ARPC5L: variants seen among roughly 807,000 people sequenced by gnomAD.
ARPC5L encodes actin related protein 2/3 complex subunit 5 like.
In ARPC5L, 4 loss-of-function variants were observed where a neutral mutation model predicts 16.9. The observed-to-expected ratio is 0.24, with a 90% CI of 0.12 to 0.54. The LOEUF is 0.54. ARPC5L is among the 20% of genes least tolerant of loss of function. The pLI is 0.95. For missense variants in ARPC5L, 151 were observed against 201.9 expected, an observed-to-expected ratio of 0.75 and a Z score of 1.53; for synonymous variants, 78 against 82.6, an observed-to-expected ratio of 0.94 and a Z score of 0.30.
At chr9:124,865,132 G>C (rs1053371312) in intron 2 of ARPC5L, among the ~76,000 whole-genome samples, 1 of 151,964 alleles carries the variant, frequency 6.6e-6, no homozygotes, top group Non-Finnish European at 1.5e-5. Context: ...GTACCTGGCC[G>C]GCATAGCTTA....
At chr9:124,863,364 C>G (rs1043664666) in intron 1 of ARPC5L, among the ~76,000 whole-genome samples, 1 of 152,214 alleles carries the variant, frequency 6.6e-6, no homozygotes, top group African/African-American at 2.4e-5. Context: ...CCAGGCTGGT[C>G]TCAAACCCCT....
At chr9:124,867,526 G>A (rs550471000) in intron 2 of ARPC5L, among the ~76,000 whole-genome samples, 1 of 152,222 alleles carries the variant, frequency 6.6e-6, no homozygotes, top group South Asian at 2.1e-4. Context: ...CCCTGACATC[G>A]TATAATATGG....
chr9:124,872,026 T>C (rs563567570), intron 3 of ARPC5L, among the ~76,000 whole-genome samples: 1 of 152,280 alleles, frequency 6.6e-6, no homozygotes, highest in East Asian at 1.9e-4. Context: ...GATAGGTGAC[T>C]TCAGGGAGGT....
rs1245977772 is a variant in ARPC5L at position 124,869,394 on chromosome 9, C to A, written c.104C>A (p.Ala35Glu). Residue 35 changes from alanine to glutamate, a missense_variant, in exon 3 of 6, where the codon GCG becomes GAG. Ala to Glu is a moderately radical substitution (Grantham distance 107). Transcript: ENST00000353214. ...DEQEEAAAAA[A>E]EPGPDPSEVD... ...CAGGAGGAGGCGGCGGCGGCGGCGG[C>A]GGAGCCAGGCCCGGACCCGAGCGAG... is the stretch of plus-strand genomic sequence containing the variant. 6.6e-7 allele frequency: 1 copy of A among 1,509,016 alleles called. No homozygotes were observed. The allele number at this position is 1,509,016 out of a possible 1,614,324, so 93.5% of individuals were successfully genotyped here.
intron 2 of ARPC5L, among the ~76,000 whole-genome samples, chr9:124,864,583 T>C (rs545869475): frequency 6.6e-6 from 1 of 152,200 alleles, no homozygotes; most frequent in Non-Finnish European, 1.5e-5. Flanking sequence ...GGCCACCATG[T>C]TGGCCAGGCT....
intron 2 of ARPC5L, among the ~76,000 whole-genome samples, chr9:124,865,832 C>T (rs1829263045): frequency 6.7e-6 from 1 of 148,738 alleles, no homozygotes; most frequent in Non-Finnish European, 1.5e-5. Flanking sequence ...TGGGACTGGG[C>T]GTGGTGGCTC....
Position 124,873,805 on chromosome 9 carries a change from A to G in ARPC5L, c.222+41A>G, listed in dbSNP as rs764667772. Reference sequence around the variant, plus strand: ...TGCGGCTCTGCTGGGTGCTGTTGGGACCAGGGCTGTGGGTGTCTGCCCAGT... The same window carrying G: ...TGCGGCTCTGCTGGGTGCTGTTGGGGCCAGGGCTGTGGGTGTCTGCCCAGT... On this transcript the variant is annotated intron_variant, in intron 4 of 5. Transcript: ENST00000353214. 29 of 1,610,554 alleles carry G rather than the reference A, an allele frequency of 1.8e-5. No homozygotes were observed. In the East Asian group the frequency reaches 6.5e-4, roughly 36 times the overall value.
chr9:124,875,645 G>A (rs887151853), intron 5 of ARPC5L, among the ~76,000 whole-genome samples: 4 of 152,214 alleles, frequency 2.6e-5, no homozygotes, highest in African/African-American at 4.8e-5. Context: ...TATGGCCTTC[G>A]TCCAGGTGAA....
At chr9:124,865,490 A>G (rs1455281144) in intron 2 of ARPC5L, among the ~76,000 whole-genome samples, 2 of 151,990 alleles carry the variant, frequency 1.3e-5, no homozygotes, top group African/African-American at 4.8e-5. Context: ...CTCTACCTTC[A>G]AAATTTACCC....
chr9:124,866,340 G>C (rs917981645), intron 2 of ARPC5L, among the ~76,000 whole-genome samples: 3 of 152,114 alleles, frequency 2.0e-5, no homozygotes, highest in African/African-American at 7.2e-5. Context: ...GGAGGTGGAG[G>C]GTGCAGTGAG....
chr9:124,865,746 T>C (rs1237395473), intron 2 of ARPC5L, among the ~76,000 whole-genome samples: 2 of 151,632 alleles, frequency 1.3e-5, no homozygotes, highest in East Asian at 1.9e-4. Flanking sequence ...TGAGCCAAGA[T>C]TGCGCCACTT....
At chr9:124,864,598 T>C (rs1031873386) in intron 2 of ARPC5L, among the ~76,000 whole-genome samples, 5 of 152,196 alleles carry the variant, frequency 3.3e-5, no homozygotes, top group Admixed American at 1.3e-4. Flanking sequence ...CAGGCTGGTA[T>C]TGAACTCTTA....
In ARPC5L at chr9:124,869,452, G is replaced by T. The variant is rs1588042523; in HGVS notation, c.149+13G>T. ...GGCTCCTGCGGCAATATCCTTCCCTGACGCGGCGTCCGGGCCTGCGCGCGG... is the reference window on the plus strand; with the variant it reads ...GGCTCCTGCGGCAATATCCTTCCCTTACGCGGCGTCCGGGCCTGCGCGCGG... On this transcript the variant is annotated intron_variant, in intron 3 of 5. Transcript: ENST00000353214. The T allele has an allele frequency of 3.8e-5, 55 of 1,442,278 alleles. No individual in the cohort carries two copies. The East Asian group carries it at 1.7e-3, about 44-fold the overall frequency. 89.3% of individuals were successfully genotyped at this position (1,442,278 alleles called of 1,614,324 possible).
At position 124,874,989 on chromosome 9, in the gene ARPC5L, C is replaced by T. The variant is rs1564313520; in HGVS notation, c.237C>T (p.Gly79=). The T allele has an allele frequency of 1.1e-5, 17 of 1,613,826 alleles. No individual in the cohort carries two copies. The highest frequency in any genetic ancestry group is 2.2e-5 in the East Asian group (1 of 44,884). The change falls in exon 5 of 6, where the codon GGC becomes GGT. Residue 79 remains glycine, a synonymous_variant. Coordinates refer to ENST00000353214, the MANE Select transcript of ARPC5L (RefSeq NM_030978.3). ...TTCGTCTGCAGGAGCGAGCCCAGGG[C>T]GTGGTGCTGAAAGTGCTCACAAACT... ...KNQAVKERAQ[G]VVLKVLTNFK...
chr9:124,874,213 G>T (rs1204284739), intron 4 of ARPC5L, among the ~76,000 whole-genome samples: 2 of 152,258 alleles, frequency 1.3e-5, no homozygotes, highest in Non-Finnish European at 2.9e-5. Context: ...CCCTGCAGCT[G>T]GGATTCTGGC....
chr9:124,869,513 C>T (rs1201213028), intron 3 of ARPC5L, 74 bp downstream of exon 3: 5 of 1,396,208 alleles, frequency 3.6e-6, no homozygotes, highest in Non-Finnish European at 4.6e-6. Context: ...CTTCTCGGGC[C>T]CTTTCGGGCG....
At chr9:124,873,493 G>A in intron 3 of ARPC5L, 199 bp from the exon 4 acceptor site, 2 of 613,300 alleles carry the variant, frequency 3.3e-6, no homozygotes, top group South Asian at 3.7e-5. Context: ...TGAAAGGAGG[G>A]TTTGCATGGT....
intron 1 of ARPC5L, among the ~76,000 whole-genome samples, chr9:124,863,526 G>A (rs1212717753): frequency 6.6e-6 from 1 of 152,192 alleles, no homozygotes; most frequent in African/African-American, 2.4e-5. Context: ...AGACTCTTGG[G>A]AAATCTCTTC....
In ARPC5L at chr9:124,868,413, T is replaced by C. The variant is rs1829301196; in HGVS notation, c.-863-15T>C. ...GTCGTCCTTGACTTCCCTAAACCGCTTTCCCCCATCTCAGATTCTGAGAAT... is the reference window on the plus strand; with the variant it reads ...GTCGTCCTTGACTTCCCTAAACCGCCTTCCCCCATCTCAGATTCTGAGAAT... On this transcript the variant is annotated splice_polypyrimidine_tract_variant and intron_variant, in intron 2 of 5. Transcript: ENST00000353214. 1 of 152,126 alleles carries C rather than the reference T, an allele frequency of 6.6e-6. No individual in the cohort carries two copies. Among genetic ancestry groups the C allele is most frequent in the Non-Finnish European group, 1.5e-5 (1 of 67,984 alleles). The allele number at this position is 152,126 out of a possible 1,614,324, so 9.4% of individuals were successfully genotyped here.
Sources: allele counts gnomAD v4.1 joint callset (sites outside exome capture counted in the v4.1 genomes callset), GRCh38; gene constraint gnomAD v4.1.1; transcripts MANE v1.5; gene names NCBI Gene and HGNC (gene_info 2026-07-23, HGNC 2026-07-21).